CENPW: variants seen among roughly 807,000 people sequenced by gnomAD.
The protein encoded by CENPW is cancer-up-regulated gene 2 protein.
In CENPW, 3 loss-of-function variants were observed where a neutral mutation model predicts 11.1. That is an observed-to-expected ratio of 0.27 (90% CI 0.12 to 0.70). The LOEUF is 0.70. CENPW is among the 30% of genes least tolerant of loss of function. CENPW has a pLI of 0.77. For synonymous variants in CENPW, 38 were observed against 42.0 expected, an observed-to-expected ratio of 0.91 and a Z score of 0.37; for missense variants, 100 against 105.6, an observed-to-expected ratio of 0.95 and a Z score of 0.23.
chr6:126,460,232 G>A, the CENPW span, among the ~76,000 whole-genome samples: 2 of 151,632 alleles, frequency 1.3e-5, no homozygotes, highest in Non-Finnish European at 3.0e-5. Context: ...TTGAAGAAGA[G>A]AGAATCCTGA....
At chr6:126,360,709 TCTGCTG>T in the CENPW span, among the ~76,000 whole-genome samples, 1 of 152,160 alleles carries the variant, frequency 6.6e-6, no homozygotes, top group Non-Finnish European at 1.5e-5. Flanking sequence ...CTTGGTCTAT[TCTGCTG>T]CTACTACTTT....
chr6:126,424,534 C>T, the CENPW span, among the ~76,000 whole-genome samples: 1 of 152,114 alleles, frequency 6.6e-6, no homozygotes, highest in Non-Finnish European at 1.5e-5. Flanking sequence ...TAAGACCACA[C>T]AGTTAGCCTC....
At chr6:126,447,520 CAGAA>C in the CENPW span, among the ~76,000 whole-genome samples, 14 of 151,228 alleles carry the variant, frequency 9.3e-5, no homozygotes, top group African/African-American at 3.1e-4. Flanking sequence ...TCACATGAAA[CAGAA>C]AGAGAGATTT....
the CENPW span, among the ~76,000 whole-genome samples, chr6:126,388,332 AAT>A: frequency 6.6e-6 from 1 of 151,968 alleles, no homozygotes; most frequent in Non-Finnish European, 1.5e-5. Context: ...AGATTGCTAT[AAT>A]GTACAGGGCA....
At chr6:126,394,421 G>T in the CENPW span, among the ~76,000 whole-genome samples, 1 of 151,880 alleles carries the variant, frequency 6.6e-6, no homozygotes, top group African/African-American at 2.4e-5. Context: ...CTGGCAAAAA[G>T]AAACCAAAAA....
At chr6:126,430,538 A>G in the CENPW span, among the ~76,000 whole-genome samples, 5 of 152,208 alleles carry the variant, frequency 3.3e-5, no homozygotes, top group South Asian at 2.1e-4. Context: ...TGGGTCTGAC[A>G]GATTTCCTCC....
At chr6:126,347,126 G>A (rs188834215) in intron 2 of CENPW, among the ~76,000 whole-genome samples, 1 of 152,246 alleles carries the variant, frequency 6.6e-6, no homozygotes, top group Admixed American at 6.5e-5. Flanking sequence ...TCAAATAAGT[G>A]TAGATAACCT....
At chr6:126,401,942 G>A in the CENPW span, among the ~76,000 whole-genome samples, 1 of 151,904 alleles carries the variant, frequency 6.6e-6, no homozygotes, top group East Asian at 1.9e-4. Context: ...ATTATTCTTA[G>A]CATTTTATAT....
downstream of CENPW, among the ~76,000 whole-genome samples, chr6:126,353,588 G>A (rs188025583): frequency 3.5e-4 from 53 of 151,842 alleles, 1 homozygote; most frequent in African/African-American, 1.1e-3. Context: ...TCTGCTTGGG[G>A]TTCCTGCCTG....
intron 1 of CENPW, among the ~76,000 whole-genome samples, chr6:126,344,062 G>A (rs78895909): frequency 0.024 from 3,590 of 152,218 alleles, 123 homozygotes; most frequent in African/African-American, 0.082. Flanking sequence ...GGGAGATGTA[G>A]TGGGGTCTTC....
the CENPW span, among the ~76,000 whole-genome samples, chr6:126,362,448 A>G: frequency 0.47 from 70,854 of 151,964 alleles, 18,145 homozygotes; most frequent in East Asian, 0.97. Flanking sequence ...TGGTGCACCC[A>G]ATTCAGTCTC....
the CENPW span, among the ~76,000 whole-genome samples, chr6:126,470,575 G>T: frequency 6.6e-6 from 1 of 152,210 alleles, no homozygotes; most frequent in African/African-American, 2.4e-5. Flanking sequence ...TGTGAGAAGA[G>T]AGCCACCATC....
chr6:126,408,988 A>G, the CENPW span, among the ~76,000 whole-genome samples: 3 of 151,292 alleles, frequency 2.0e-5, no homozygotes, highest in African/African-American at 7.3e-5. Flanking sequence ...TTTCTCTACT[A>G]ATTTGGGCTT....
chr6:126,356,455 A>C, the CENPW span, among the ~76,000 whole-genome samples: 1 of 152,184 alleles, frequency 6.6e-6, no homozygotes, highest in Non-Finnish European at 1.5e-5. Flanking sequence ...TGCCAAAATA[A>C]ATTTTTGAGA....
chr6:126,368,152 A>G, the CENPW span, among the ~76,000 whole-genome samples: 1 of 152,308 alleles, frequency 6.6e-6, no homozygotes, highest in East Asian at 1.9e-4. Context: ...CCTCTAGTTG[A>G]AAGATAACTA....
At chr6:126,380,318 T>C in the CENPW span, among the ~76,000 whole-genome samples, 1 of 152,216 alleles carries the variant, frequency 6.6e-6, no homozygotes, top group Non-Finnish European at 1.5e-5. Flanking sequence ...AAGGCTGTCA[T>C]AGTACTGAAA....
chr6:126,472,823 T>A, the CENPW span, among the ~76,000 whole-genome samples: 3 of 152,208 alleles, frequency 2.0e-5, no homozygotes, highest in African/African-American at 7.2e-5. Flanking sequence ...CAGTCTTTTA[T>A]CATTTTAGTC....
At chr6:126,367,821 A>G in the CENPW span, among the ~76,000 whole-genome samples, 1 of 152,164 alleles carries the variant, frequency 6.6e-6, no homozygotes, top group Non-Finnish European at 1.5e-5. Context: ...AAGAGGAGAC[A>G]GTTGATGTGG....
At chr6:126,434,954 A>G in the CENPW span, among the ~76,000 whole-genome samples, 1 of 151,936 alleles carries the variant, frequency 6.6e-6, no homozygotes, top group South Asian at 2.1e-4. Flanking sequence ...AGATTATGCC[A>G]TTTCTTCCTT....
Sources: allele counts gnomAD v4.1 joint callset (sites outside exome capture counted in the v4.1 genomes callset), GRCh38; gene constraint gnomAD v4.1.1; transcripts MANE v1.5; gene names NCBI Gene and HGNC (gene_info 2026-07-23, HGNC 2026-07-21).